Variants in SPATS2L observed in about 807,000 individuals in gnomAD.
SPATS2L encodes the protein spermatogenesis associated serine rich 2 like.
A neutral mutation model predicts 59.6 loss-of-function variants in SPATS2L; 30 were observed. The ratio of observed to expected loss-of-function variants is 0.50; its 90% CI spans 0.38 to 0.68. The LOEUF (loss-of-function observed/expected upper bound fraction) is 0.68. SPATS2L is among the 30% of genes least tolerant of loss of function. The probability of loss-of-function intolerance (pLI) is 0.00; values close to 1 mark genes in which losing one functional copy is unlikely to be tolerated. For synonymous variants in SPATS2L, 252 were observed against 263.5 expected (o/e 0.96, Z 0.42); for missense variants, 615 against 700.0 (o/e 0.88, Z 1.37).
intron 2 of SPATS2L, among the ~76,000 whole-genome samples, chr2:200,362,964 A>G (rs1337822384): frequency 6.6e-6 from 1 of 152,106 alleles, no homozygotes; most frequent in Non-Finnish European, 1.5e-5. Flanking sequence ...ATTAAAATAA[A>G]TTTTCTAGGT....
chr2:200,462,894 C>G (rs1444580437), intron 9 of SPATS2L, among the ~76,000 whole-genome samples: 1 of 151,870 alleles, frequency 6.6e-6, no homozygotes, highest in Non-Finnish European at 1.5e-5. Context: ...CCATTACAAT[C>G]CAGCCTATAT....
At chr2:200,374,015 T>G (rs2081517848) in intron 2 of SPATS2L, among the ~76,000 whole-genome samples, 1 of 152,170 alleles carries the variant, frequency 6.6e-6, no homozygotes, top group South Asian at 2.1e-4. Context: ...CTAGCTGCAT[T>G]ACGAACAGAA....
chr2:200,384,213 T>C (rs2081916868), intron 2 of SPATS2L, among the ~76,000 whole-genome samples: 1 of 152,260 alleles, frequency 6.6e-6, no homozygotes, highest in African/African-American at 2.4e-5. Context: ...TTATCTTTGT[T>C]CTAAGCTAAT....
rs190537548 is a variant in SPATS2L at position 200,440,781 on chromosome 2, A to G, written c.785A>G (p.Asn262Ser). The G allele has an allele frequency of 3.5e-5, 57 of 1,613,234 alleles. No individual in the cohort carries two copies. The Admixed American group carries it at 9.3e-4, about 26-fold the overall frequency. The change falls in exon 8 of 13, where the codon AAC becomes AGC. Residue 262 changes from asparagine to serine, a missense_variant. By Grantham distance (46) the Asn-to-Ser change is conservative. Around this residue, in one of 3 missense-constraint regions of SPATS2L, gnomAD observed 104 missense variants for 162.5 expected, o/e 0.64. Coordinates refer to ENST00000409140, the MANE Select transcript of SPATS2L (RefSeq NM_001100423.2). Reference protein sequence around the residue: ...KIKAAFAELHNCIIDKEVSLM... With the variant: ...KIKAAFAELHSCIIDKEVSLM... ...AAAGCTGCCTTTGCTGAATTACACA[A>G]CTGGTGAGTGATTCAACGTAGGAAC... is the stretch of plus-strand genomic sequence containing the variant.
intron 2 of SPATS2L, among the ~76,000 whole-genome samples, chr2:200,388,703 A>G (rs2082075381): frequency 6.6e-6 from 1 of 152,002 alleles, no homozygotes; most frequent in Non-Finnish European, 1.5e-5. Context: ...GTTGAAAAAA[A>G]AAAAAGAAAA....
At chr2:200,396,865 A>T (rs1003620813) in intron 3 of SPATS2L, among the ~76,000 whole-genome samples, 12 of 152,196 alleles carry the variant, frequency 7.9e-5, no homozygotes, top group African/African-American at 2.4e-4. Flanking sequence ...GGTTCTTGTC[A>T]TCATTTTCTC....
At chr2:200,309,009 G>C in intron 1 of SPATS2L, 1 of 717,568 alleles carries the variant, frequency 1.4e-6, no homozygotes, top group South Asian at 1.5e-5. Flanking sequence ...GTAAGGATCA[G>C]GGAAAGAAAA....
intron 6 of SPATS2L, among the ~76,000 whole-genome samples, chr2:200,426,084 T>A (rs2083560086): frequency 3.3e-4 from 3 of 8,988 alleles, no homozygotes; most frequent in South Asian, 6.8e-3. Context: ...GGTTTTTACT[T>A]TTTTTTTTTT....
chr2:200,411,916 G>A (rs893356), intron 3 of SPATS2L, among the ~76,000 whole-genome samples: 73,893 of 151,942 alleles, frequency 0.49, 19,153 homozygotes, highest in Non-Finnish European at 0.59. Flanking sequence ...GGCTATTTCT[G>A]TACATTTTCT....
intron 2 of SPATS2L, among the ~76,000 whole-genome samples, chr2:200,352,713 T>G (rs1174415490): frequency 6.6e-6 from 1 of 152,176 alleles, no homozygotes; most frequent in African/African-American, 2.4e-5. Context: ...AATTCAGGGT[T>G]CAGCTCTGCA....
chr2:200,367,707 AAT>A (rs1319614285), intron 2 of SPATS2L, among the ~76,000 whole-genome samples: 3 of 23,700 alleles, frequency 1.3e-4, no homozygotes, highest in African/African-American at 2.3e-4. Context: ...AGTGAATTCC[AAT>A]TTTTATGCTA....
intron 2 of SPATS2L, among the ~76,000 whole-genome samples, chr2:200,348,516 C>G (rs2080597578): frequency 6.6e-6 from 1 of 152,190 alleles, no homozygotes; most frequent in Non-Finnish European, 1.5e-5. Context: ...GGAGAGCAGA[C>G]TGTGGGAAGT....
chr2:200,425,856 T>A (rs1384174857), intron 6 of SPATS2L, among the ~76,000 whole-genome samples: 4 of 152,060 alleles, frequency 2.6e-5, no homozygotes, highest in Non-Finnish European at 5.9e-5. Context: ...ATAAATGTTA[T>A]AAAGGCAGCA....
intron 3 of SPATS2L, among the ~76,000 whole-genome samples, chr2:200,401,908 T>A (rs2082541398): frequency 6.6e-6 from 1 of 152,162 alleles, no homozygotes; most frequent in Non-Finnish European, 1.5e-5. Context: ...CTCTTAGATA[T>A]CTGGACATGG....
chr2:200,429,559 C>A (rs2083783989), intron 6 of SPATS2L, among the ~76,000 whole-genome samples: 1 of 151,694 alleles, frequency 6.6e-6, no homozygotes, highest in Non-Finnish European at 1.5e-5. Flanking sequence ...TGGAGCTGCT[C>A]AAAGCCACTG....
chr2:200,429,194 TC>T (rs1021531269), intron 6 of SPATS2L, among the ~76,000 whole-genome samples: 46 of 152,234 alleles, frequency 3.0e-4, no homozygotes, highest in African/African-American at 1.1e-3. Context: ...TCAGTCAAGA[TC>T]AAGTCAGGAG....
intron 6 of SPATS2L, among the ~76,000 whole-genome samples, chr2:200,422,942 A>T (rs1387807917): frequency 6.6e-6 from 1 of 152,178 alleles, no homozygotes; most frequent in Non-Finnish European, 1.5e-5. Context: ...ATGATGTGAG[A>T]TGATAAAATG....
intron 2 of SPATS2L, among the ~76,000 whole-genome samples, chr2:200,344,894 T>G (rs905483884): frequency 6.6e-6 from 1 of 152,214 alleles, no homozygotes; most frequent in Admixed American, 6.5e-5. Context: ...GTTCATATCC[T>G]TCGCCCACTT....
chr2:200,409,955 A>G (rs1393194753), intron 3 of SPATS2L, among the ~76,000 whole-genome samples: 1 of 152,208 alleles, frequency 6.6e-6, no homozygotes, highest in Non-Finnish European at 1.5e-5. Context: ...CCTTAACATA[A>G]TACAACATTG....
Sources: gnomAD v4.1 joint callset for allele counts (sites outside exome capture counted in the v4.1 genomes callset) on GRCh38, gnomAD v4.1.1 for gene constraint, gnomAD v4.1.1 regional missense constraint, MANE v1.5 for transcripts, NCBI Gene and HGNC (gene_info 2026-07-23, HGNC 2026-07-21) for gene names.